The following TBX1 variants were observed in gnomAD, a reference collection of about 807,000 sequenced individuals.
The protein encoded by TBX1 is T-box transcription factor TBX1.
In TBX1, 16 loss-of-function variants were observed where a neutral mutation model predicts 40.8. The ratio of observed to expected loss-of-function variants is 0.39; its 90% CI spans 0.27 to 0.60. TBX1 has a LOEUF of 0.60. Ranked by LOEUF, TBX1 falls within the 20% of genes least tolerant of loss-of-function variation. The pLI is 0.51. For missense variants in TBX1, 755 were observed against 728.5 expected, an observed-to-expected ratio of 1.04 and a Z score of -0.42; for synonymous variants, 403 against 336.8, an observed-to-expected ratio of 1.20 and a Z score of -2.15.
At chr22:19,783,529 GAC>G, downstream of TBX1, 1 of 190,154 alleles carries the variant, frequency 5.3e-6, no homozygotes, top group Non-Finnish European at 1.1e-5. Context: ...CAGCCTGGGT[GAC>G]AGAGTGAGAC....
At chr22:19,764,101 C>T in intron 2 of TBX1, 54 bp from the exon 3 acceptor site, 1 of 1,604,266 alleles carries the variant, frequency 6.2e-7, no homozygotes, top group African/African-American at 1.3e-5. Flanking sequence ...GCACACGGGT[C>T]AAGGCCCTCT....
At chr22:19,758,114 C>T (rs1030555219), upstream of TBX1, among the ~76,000 whole-genome samples, 33 of 152,324 alleles carry the variant, frequency 2.2e-4, no homozygotes, top group Middle Eastern at 3.4e-3. Context: ...CCCCCCAGCC[C>T]GTTACTGGGC....
At chr22:19,768,576 T>A (rs538956617), downstream of TBX1, among the ~76,000 whole-genome samples, 3 of 152,230 alleles carry the variant, frequency 2.0e-5, no homozygotes, top group East Asian at 5.8e-4. Flanking sequence ...CAAGTCCTGA[T>A]CCCCACCTGC....
At chr22:19,763,412 ACC>A in intron 2 of TBX1, 70 bp downstream of exon 2, 1 of 1,440,880 alleles carries the variant, frequency 6.9e-7, no homozygotes, top group Non-Finnish European at 9.7e-7. Flanking sequence ...CCGCCTGGTG[ACC>A]CAACTCCAAG....
chr22:19,756,960 G>A (rs1262602444), upstream of TBX1, among the ~76,000 whole-genome samples: 4 of 152,124 alleles, frequency 2.6e-5, no homozygotes, highest in Non-Finnish European at 4.4e-5. Context: ...CTAGGCGGGA[G>A]GGAGGGTCGG....
Position 19,766,619 on chromosome 22 carries a change from C to T in TBX1, c.1267C>T (p.His423Tyr), listed in dbSNP as rs1248419388. ...APGASEPLHHHPYKYPAAAYD... is the reference protein window; with the variant it reads ...APGASEPLHHYPYKYPAAAYD... ...CGGCGCATCGGAGCCGCTGCACCAC[C>T]ACCCCTACAAATATCCGGCCGCCGC... Residue 423 changes from histidine (H) to tyrosine (Y), a missense_variant, in exon 7 of 7, where the codon CAC (histidine) becomes TAC (tyrosine). His to Tyr is a moderately conservative substitution (Grantham distance 83). Coordinates refer to ENST00000649276, the MANE Select transcript of TBX1 (RefSeq NM_001379200.1). The T allele has an allele frequency of 3.9e-6, 6 of 1,537,128 alleles. No homozygotes were observed. Among genetic ancestry groups the T allele is most frequent in the Admixed American group, 1.9e-5 (1 of 53,994 alleles).
downstream of TBX1, among the ~76,000 whole-genome samples, chr22:19,768,953 C>CTTTTTTTTTTTTT (rs36085623): frequency 1.4e-3 from 93 of 66,118 alleles, 10 homozygotes; most frequent in African/African-American, 3.5e-3. Context: ...TGTTCGCATT[C>CTTTTTTTTTTTTT]TTTTTTTTTT....
chr22:19,761,013 C>T lies in TBX1; in HGVS notation c.170C>T (p.Pro57Leu), dbSNP rs1331104618. 4.5e-6 allele frequency: 4 copies of T among 898,360 alleles called. No individual in the cohort carries two copies. The highest frequency in any genetic ancestry group is 2.7e-6 in the Non-Finnish European group (2 of 753,766). 55.6% of individuals were successfully genotyped at this position (898,360 alleles called of 1,614,324 possible). The change falls in exon 1 of 7, where the codon CCG becomes CTG. Residue 57 changes from proline (P) to leucine (L), a missense_variant. Around this residue, in one of 3 missense-constraint regions of TBX1, gnomAD observed 199 missense variants for 173.0 expected, o/e 1.15. Transcript: ENST00000649276. ...YGPREPPPPPPRYDPCAAAAP... is the reference protein window; with the variant it reads ...YGPREPPPPPLRYDPCAAAAP... ...CCGCGCGAGCCCCCGCCGCCGCCGC[C>T]GCGCTACGACCCGTGCGCCGCCGCC...
At chr22:19,760,238 A>C (rs187741898), upstream of TBX1, among the ~76,000 whole-genome samples, 1 of 151,162 alleles carries the variant, frequency 6.6e-6, no homozygotes, top group African/African-American at 2.4e-5. Context: ...AAAGAAAAAC[A>C]TAAAAAACAA....
downstream of TBX1, among the ~76,000 whole-genome samples, chr22:19,782,000 C>G (rs1384822870): frequency 8.2e-6 from 1 of 122,076 alleles, no homozygotes; most frequent in Non-Finnish European, 1.7e-5. Flanking sequence ...GCTGTCTATT[C>G]TATTACATTG....
At chr22:19,759,129 C>T (rs940448062), upstream of TBX1, among the ~76,000 whole-genome samples, 7 of 152,204 alleles carry the variant, frequency 4.6e-5, no homozygotes, top group Non-Finnish European at 8.8e-5. Context: ...AGACACCTCT[C>T]CTCGGGGGGC....
At chr22:19,764,113 G>T (rs762542271) in intron 2 of TBX1, 42 bp from the exon 3 acceptor site, 2 of 1,610,242 alleles carry the variant, frequency 1.2e-6, no homozygotes, top group Admixed American at 3.3e-5. Context: ...AGGCCCTCTG[G>T]GTTCACCTCC....
At chr22:19,779,403 G>A in exon 9 of TBX1, 1 of 1,614,198 alleles carries the variant, frequency 6.2e-7, no homozygotes, top group Non-Finnish European at 8.5e-7. Flanking sequence ...GACCGTCTTT[G>A]TTGAATGCTG....
upstream of TBX1, among the ~76,000 whole-genome samples, chr22:19,759,009 G>C (rs1936552935): frequency 6.6e-6 from 1 of 152,224 alleles, no homozygotes; most frequent in South Asian, 2.1e-4. Flanking sequence ...AGCCAGGGAG[G>C]AGGTGGAGGC....
At chr22:19,765,730 C>A (rs779869702) in intron 4 of TBX1, 28 bp from the exon 5 acceptor site, 2 of 1,610,262 alleles carry the variant, frequency 1.2e-6, no homozygotes, top group South Asian at 1.1e-5. Context: ...AGGGCTCCAG[C>A]GGCTTGCTCA....
rs897289982 is a variant in TBX1, at chr22:19,766,396, T to C, written c.1044T>C (p.Ala348=). The C allele has an allele frequency of 3.0e-6, 4 of 1,341,070 alleles. No homozygotes were observed. The highest frequency in any genetic ancestry group is 3.8e-6 in the Non-Finnish European group (4 of 1,046,062). 83.1% of individuals were successfully genotyped at this position (1,341,070 alleles called of 1,614,324 possible). ...CCTCGGCCCTCTCCGCAGACGCGGC[T>C]GAGGCCCGGCGAGAATTCCAGCGCG... The part of the protein sequence containing the change: ...TQPSGTEKDA[A]EARREFQRDA... The change falls in exon 7 of 7, where the codon GCT becomes GCC. Residue 348 remains alanine (A), a synonymous_variant. Transcript: ENST00000649276.
chr22:19,783,466 C>T (rs573675357), downstream of TBX1: 4 of 275,978 alleles, frequency 1.4e-5, no homozygotes, highest in Admixed American at 1.4e-4. Context: ...AGGAGGATCA[C>T]TTGAGCCTAT....
At chr22:19,773,741 TC>T (rs1937024351) in intron 8 of TBX1, among the ~76,000 whole-genome samples, 1 of 152,182 alleles carries the variant, frequency 6.6e-6, no homozygotes, top group Admixed American at 6.5e-5. Context: ...CATCTCGGCA[TC>T]CTGATGCGGT....
rs1936894997 is a variant in TBX1 at position 19,767,236 on chromosome 22, G to A, written c.*369G>A. On this transcript the variant is annotated 3_prime_UTR_variant, in exon 7 of 7. Coordinates refer to ENST00000649276, the MANE Select transcript of TBX1 (RefSeq NM_001379200.1). ...GGCAGTTGCAGTGTAGACAGCCCGA[G>A]AGCCCCGCCTGCAGGCGGTGTAGAT... 1 of 1,064,510 alleles carries A rather than the reference G, an allele frequency of 9.4e-7. No individual in the cohort carries two copies. Among genetic ancestry groups the A allele is most frequent in the Non-Finnish European group, 1.1e-6 (1 of 882,646 alleles). The allele number at this position is 1,064,510 out of a possible 1,614,324, so 65.9% of individuals were successfully genotyped here.
Sources: gnomAD v4.1 joint callset for allele counts (sites outside exome capture counted in the v4.1 genomes callset) on GRCh38, gnomAD v4.1.1 for gene constraint, gnomAD v4.1.1 regional missense constraint, MANE v1.5 for transcripts, NCBI Gene and HGNC (gene_info 2026-07-23, HGNC 2026-07-21) for gene names.